The following TXLNA variants were observed in gnomAD, a reference collection of about 807,000 sequenced individuals.
TXLNA encodes alpha-taxilin.
TXLNA carries 9 observed loss-of-function variants against 61.4 expected under a neutral mutation model. The ratio of observed to expected loss-of-function variants is 0.15; its 90% CI spans 0.09 to 0.26. The LOEUF is 0.26. Among genes scored for constraint, TXLNA ranks in the 10% least tolerant of loss-of-function variants. The probability of loss-of-function intolerance (pLI) is 1.00; values close to 1 mark genes in which losing one functional copy is unlikely to be tolerated. For missense variants in TXLNA, 565 were observed against 688.8 expected, an observed-to-expected ratio of 0.82 and a Z score of 2.01; for synonymous variants, 257 against 267.7, an observed-to-expected ratio of 0.96 and a Z score of 0.39.
Position 32,192,285 on chromosome 1 carries a change from G to A in TXLNA, c.964-26G>A, listed in dbSNP as rs149864555. 1.5e-3 allele frequency: 2,351 copies of A among 1,610,628 alleles called. 15 individuals are homozygous for A. The highest frequency in any genetic ancestry group is 0.012 in the Middle Eastern group (72 of 6,046). Reference sequence around the variant, plus strand: ...TGAGAAAGGGAGCGCCTGACAAGCCGACTGCTCCCACCATCTTTGTTGCAG... The same window carrying A: ...TGAGAAAGGGAGCGCCTGACAAGCCAACTGCTCCCACCATCTTTGTTGCAG... On this transcript the variant is annotated intron_variant, in intron 6 of 10. Transcript: ENST00000373610. The surrounding 1 kb of genome is among the most constrained non-coding windows in gnomAD (Gnocchi z 4.2).
chr1:32,186,363 T>C (rs1162013280), intron 4 of TXLNA, among the ~76,000 whole-genome samples: 1 of 152,206 alleles, frequency 6.6e-6, no homozygotes, highest in East Asian at 1.9e-4. Flanking sequence ...CTCTAGTTTC[T>C]TCTGTGTTTT....
chr1:32,191,567 C>CA (rs780451377), intron 6 of TXLNA, among the ~76,000 whole-genome samples: 1 of 151,808 alleles, frequency 6.6e-6, no homozygotes, highest in Non-Finnish European at 1.5e-5. Flanking sequence ...CCCGCCAAGG[C>CA]AAAAAAGGAC....
At position 32,181,368 on chromosome 1, in the gene TXLNA, G is replaced by A. The variant is rs1642655274; in HGVS notation, c.296G>A (p.Gly99Glu). 1.9e-6 allele frequency: 3 copies of A among 1,614,086 alleles called. No individual in the cohort carries two copies. The highest frequency in any genetic ancestry group is 1.7e-5 in the Admixed American group (1 of 60,006). The change falls in exon 3 of 11, where the codon GGG becomes GAG. Residue 99 changes from glycine to glutamate, a missense_variant. This residue lies in a region of TXLNA where 192 missense variants were observed against 184.8 expected (regional missense o/e 1.04). Transcript: ENST00000373610. ...AACCAGGGGGGCCCCGGCGAGGATG[G>A]GGCACAGGGTGAGCCGGCTGAACCC... ...DNNQGGPGED[G>E]AQGEPAEPED... is the part of the protein sequence containing the mutation.
At chr1:32,193,119 T>C in intron 8 of TXLNA, 89 bp from the exon 9 acceptor site, 1 of 824,300 alleles carries the variant, frequency 1.2e-6, no homozygotes, top group Non-Finnish European at 2.1e-6. Context: ...GAATTACTGG[T>C]CAGAGAGTCA....
rs1283061229 is a variant in TXLNA at position 32,195,967 on chromosome 1, ATTTCTTTTTCTTTTTT to A, written c.*776_*791del. ...TATTTCTGAAGGTGTTTTTTTCTTT[ATTTCTTTTTCTTTTTT>A]TTTTTTTTTCTTTTTCTTTTTTTTT... is the stretch of plus-strand genomic sequence containing the variant. On this transcript the variant is annotated 3_prime_UTR_variant, in exon 11 of 11. Coordinates refer to ENST00000373610, the MANE Select transcript of TXLNA (RefSeq NM_175852.4). The A allele has an allele frequency of 8.2e-5, 12 of 147,104 alleles. No individual in the cohort carries two copies. Among genetic ancestry groups the A allele is most frequent in the South Asian group, 6.2e-4 (5 of 8,028 alleles). The allele number at this position is 147,104 out of a possible 1,614,324, so 9.1% of individuals were successfully genotyped here.
At position 32,188,020 on chromosome 1, in the gene TXLNA, C is replaced by T; in HGVS notation, c.664C>T (p.Gln222Ter). ...LLQKKQSQLV[Q>*]EKDHLRGEHS... ...ACAGAAAAAGCAGAGCCAGCTGGTG[C>T]AAGAGAAGGACCACCTGCGCGGTGA... The change falls in exon 5 of 11, where the codon CAA becomes TAA. Residue 222 changes from glutamine (Q) to a stop codon, truncating the protein, a stop_gained. Transcript: ENST00000373610. LOFTEE classifies it high-confidence loss of function. 1 of 1,613,108 alleles carries T rather than the reference C, an allele frequency of 6.2e-7. No individual in the cohort carries two copies. Among genetic ancestry groups the T allele is most frequent in the Non-Finnish European group, 8.5e-7 (1 of 1,179,608 alleles).
At chr1:32,193,850 C>T (rs1642957900) in intron 9 of TXLNA, among the ~76,000 whole-genome samples, 1 of 152,184 alleles carries the variant, frequency 6.6e-6, no homozygotes, top group Non-Finnish European at 1.5e-5. Context: ...AGCCACCATG[C>T]CTGGCCCCTT....
intron 2 of TXLNA, among the ~76,000 whole-genome samples, chr1:32,180,719 A>C (rs915220176): frequency 6.6e-6 from 1 of 152,230 alleles, no homozygotes; most frequent in Non-Finnish European, 1.5e-5. Flanking sequence ...TCTGGAGAGA[A>C]GCTCCGACGG....
Position 32,192,669 on chromosome 1 carries a change from G to T in TXLNA, c.1096G>T (p.Ala366Ser), listed in dbSNP as rs1385906925. The T allele has an allele frequency of 6.2e-7, 1 of 1,614,214 alleles. No homozygotes were observed. Residue 366 changes from alanine (A) to serine (S), a missense_variant, in exon 8 of 11, where the codon GCA becomes TCA. Transcript: ENST00000373610. This position sits in a 1 kb window ranked among gnomAD's most constrained non-coding sequence, Gnocchi z 4.2. Reference protein sequence around the residue: ...QREKDFLLKEAVESQRMCELM... With the variant: ...QREKDFLLKESVESQRMCELM... ...GTCTTGGAAATAGCTCCTGAAAGAGGCAGTAGAGTCCCAGAGGATGTGTGA... is the reference window on the plus strand; with the variant it reads ...GTCTTGGAAATAGCTCCTGAAAGAGTCAGTAGAGTCCCAGAGGATGTGTGA...
chr1:32,182,098 CTTTTTTTTTTTTTT>C (rs35693792), intron 3 of TXLNA, among the ~76,000 whole-genome samples: 1 of 101,720 alleles, frequency 9.8e-6, no homozygotes, highest in African/African-American at 3.8e-5. Context: ...TGCAGTCAGG[CTTTTTTTTTTTTTT>C]TTTTTTTTTA....
rs1198077223 is a variant in TXLNA at position 32,190,240 on chromosome 1, G to A, written c.954G>A (p.Leu318=). 1 of 1,599,506 alleles carries A rather than the reference G, an allele frequency of 6.3e-7. No individual in the cohort carries two copies. The change falls in exon 6 of 11, where the codon CTG becomes CTA. Residue 318 remains leucine (L), a synonymous_variant. Coordinates refer to ENST00000373610, the MANE Select transcript of TXLNA (RefSeq NM_175852.4). ...AGAAGCTGATTGAGCAGTATGAGCT[G>A]CGCGAGGAGGTAAGGGTATCACGGA... ...RLKKLIEQYE[L]REEHIDKVFK...
intron 3 of TXLNA, 38 bp downstream of exon 3, chr1:32,181,615 G>C (rs1002551960): frequency 5.4e-6 from 8 of 1,477,418 alleles, no homozygotes; most frequent in Middle Eastern, 2.3e-4. Flanking sequence ...CTGGTGAGGA[G>C]AGGGAGTTTG....
chr1:32,188,219 C>A, intron 5 of TXLNA, 95 bp downstream of exon 5: 1 of 1,366,600 alleles, frequency 7.3e-7, no homozygotes, highest in Non-Finnish European at 9.8e-7. Context: ...GTAGTGCAGG[C>A]TAGGGCCAGG....
intron 5 of TXLNA, among the ~76,000 whole-genome samples, chr1:32,188,990 G>C (rs1264262972): frequency 6.6e-6 from 1 of 151,994 alleles, no homozygotes; most frequent in Non-Finnish European, 1.5e-5. Flanking sequence ...CTTACATGTA[G>C]TTTTTAGAAT....
intron 3 of TXLNA, among the ~76,000 whole-genome samples, chr1:32,183,798 G>A (rs1260792376): frequency 1.3e-5 from 2 of 150,650 alleles, no homozygotes; most frequent in Admixed American, 6.6e-5. Context: ...GTGCAGTGGC[G>A]CGATCTGGGC....
At chr1:32,190,334 G>C in intron 6 of TXLNA, 85 bp downstream of exon 6, 1 of 1,289,756 alleles carries the variant, frequency 7.8e-7, no homozygotes, top group South Asian at 1.5e-5. Context: ...ACCTTTTCAG[G>C]CTTCATCCCA....
At chr1:32,193,988 T>A in intron 9 of TXLNA, 77 bp from the exon 10 acceptor site, 1 of 1,184,758 alleles carries the variant, frequency 8.4e-7, no homozygotes, top group Middle Eastern at 1.9e-4. Context: ...GAGACACAGG[T>A]GCAGTCCCCA....
At position 32,192,433 on chromosome 1, in the gene TXLNA, G is replaced by A. The variant is rs758738048; in HGVS notation, c.1083+3G>A. 2 of 1,606,236 alleles carry A rather than the reference G, an allele frequency of 1.2e-6. No homozygotes were observed. The highest frequency in any genetic ancestry group is 1.1e-5 in the South Asian group (1 of 90,582). ...GGCACCAGCGGGAGAAGGATTTTGT[G>A]AGGCTCAGGCCCCAGGGTTGGGGTG... On this transcript the variant is annotated splice_donor_region_variant and intron_variant, in intron 7 of 10. Coordinates refer to ENST00000373610, the MANE Select transcript of TXLNA (RefSeq NM_175852.4). This position sits in a 1 kb window ranked among gnomAD's most constrained non-coding sequence, Gnocchi z 4.2.
At position 32,180,532 on chromosome 1, in the gene TXLNA, G is replaced by C; in HGVS notation, c.169+18G>C. ...GCCGGAGGGTGTGTGCCAGCTCTGC[G>C]TTGCCAGCGGGCAGGGGGAGGAGCT... On this transcript the variant is annotated intron_variant, in intron 2 of 10. Transcript: ENST00000373610. 6.3e-7 allele frequency: 1 copy of C among 1,579,046 alleles called. No individual in the cohort carries two copies. Among genetic ancestry groups the C allele is most frequent in the South Asian group, 1.1e-5 (1 of 87,628 alleles).
Sources: allele counts gnomAD v4.1 joint callset (sites outside exome capture counted in the v4.1 genomes callset), GRCh38; gene constraint gnomAD v4.1.1; regional missense constraint gnomAD v4.1.1; non-coding constraint Gnocchi (gnomAD v3.1); transcripts MANE v1.5; gene names NCBI Gene and HGNC (gene_info 2026-07-23, HGNC 2026-07-21).